Variants in ZNF521 observed in about 807,000 individuals in gnomAD.
ZNF521 encodes LYST-interacting protein 3.
Under a neutral mutation model 105.5 loss-of-function variants are expected in ZNF521, and 14 were observed. The ratio of observed to expected loss-of-function variants is 0.13; its 90% confidence interval spans 0.09 to 0.21. The LOEUF (loss-of-function observed/expected upper bound fraction) is 0.21, where lower values mean the gene tolerates loss of function less well. Among genes scored for constraint, ZNF521 ranks in the 10% least tolerant of loss-of-function variants. The pLI is 1.00. For synonymous variants in ZNF521, 635 were observed against 606.0 expected, an observed-to-expected ratio of 1.05 and a Z score of -0.70; for missense variants, 1,233 against 1,629.7, an observed-to-expected ratio of 0.76 and a Z score of 4.19.
intron 2 of ZNF521, among the ~76,000 whole-genome samples, chr18:25,350,539 A>G (rs1376712767): frequency 6.6e-6 from 1 of 152,194 alleles, no homozygotes; most frequent in Non-Finnish European, 1.5e-5. Flanking sequence ...GCGAAAACAC[A>G]CAACAGAAAC....
rs116563952 is a variant in ZNF521 at position 25,123,782 on chromosome 18, C to T, written c.3659-31701G>A. Among the ~76,000 whole-genome samples, 511 of 152,268 alleles carry T rather than the reference C, an allele frequency of 3.4e-3. 3 individuals are homozygous for T. The highest frequency in any genetic ancestry group is 0.012 in the African/African-American group (489 of 41,540). ...GAAACATGAATTCCATATTTAGTTA[C>T]TAATGGTTTGGGGTTCTCAGAATTT... On this transcript the variant is annotated intron_variant, in intron 5 of 7. Transcript: ENST00000361524.
chr18:25,188,739 G>A (rs2035769582), intron 5 of ZNF521, among the ~76,000 whole-genome samples: 1 of 152,154 alleles, frequency 6.6e-6, no homozygotes, highest in Non-Finnish European at 1.5e-5. Flanking sequence ...CAACTGGTAG[G>A]GCCTCTCTTC....
At chr18:25,329,401 AC>A (rs1271500133) in intron 2 of ZNF521, among the ~76,000 whole-genome samples, 15 of 152,328 alleles carry the variant, frequency 9.8e-5, no homozygotes, top group African/African-American at 3.6e-4. Flanking sequence ...AGGGATAAGT[AC>A]TCAGATGGAG....
chr18:25,257,981 A>G lies in ZNF521; in HGVS notation c.221-30284T>C, dbSNP rs142371122. Among the ~76,000 whole-genome samples, 920 of 152,250 alleles carry G rather than the reference A, an allele frequency of 6.0e-3. 2 individuals are homozygous for G. The highest frequency in any genetic ancestry group is 0.011 in the Admixed American group (166 of 15,288). On this transcript the variant is annotated intron_variant, in intron 3 of 7. Transcript: ENST00000361524. ...CACAAATACACATACAGACATACAC[A>G]CACACTTCACATTTAAAAAACAAAA... is the stretch of plus-strand genomic sequence containing the variant.
chr18:25,241,093 C>T (rs1465375572), intron 3 of ZNF521, among the ~76,000 whole-genome samples: 2 of 151,974 alleles, frequency 1.3e-5, no homozygotes, highest in African/African-American at 4.8e-5. Context: ...ATTCCCATTC[C>T]TCTTCTCCTT....
chr18:25,282,983 T>G (rs868699265), intron 3 of ZNF521, among the ~76,000 whole-genome samples: 1 of 152,318 alleles, frequency 6.6e-6, no homozygotes, highest in Middle Eastern at 3.4e-3. Context: ...AAGTACAAAA[T>G]GCTTTCCTCC....
intron 2 of ZNF521, among the ~76,000 whole-genome samples, chr18:25,329,858 A>T (rs1185586613): frequency 6.6e-6 from 1 of 152,228 alleles, no homozygotes; most frequent in Non-Finnish European, 1.5e-5. Flanking sequence ...TCCAGAGGCT[A>T]CAGGGTAAAC....
chr18:25,311,780 A>G (rs1912323166), intron 3 of ZNF521, among the ~76,000 whole-genome samples: 1 of 152,230 alleles, frequency 6.6e-6, no homozygotes, highest in Non-Finnish European at 1.5e-5. Flanking sequence ...CTGAAACCAC[A>G]GTTAGATCAT....
At chr18:25,152,093 C>A (rs571341189) in intron 5 of ZNF521, among the ~76,000 whole-genome samples, 1 of 152,238 alleles carries the variant, frequency 6.6e-6, no homozygotes, top group South Asian at 2.1e-4. Context: ...ACTGTGGAAT[C>A]TTTCTACACA....
At chr18:25,297,001 G>A (rs1246682722) in intron 3 of ZNF521, among the ~76,000 whole-genome samples, 3 of 151,954 alleles carry the variant, frequency 2.0e-5, no homozygotes, top group African/African-American at 7.3e-5. Flanking sequence ...TGTTAAGTGT[G>A]TATGTGTGGT....
At chr18:25,184,141 A>G (rs2035679752) in intron 5 of ZNF521, among the ~76,000 whole-genome samples, 1 of 152,112 alleles carries the variant, frequency 6.6e-6, no homozygotes, top group South Asian at 2.1e-4. Flanking sequence ...TGACCATGAC[A>G]TTGTTGGCAG....
intron 5 of ZNF521, among the ~76,000 whole-genome samples, chr18:25,183,030 T>C (rs958731345): frequency 3.3e-5 from 5 of 152,228 alleles, no homozygotes; most frequent in Non-Finnish European, 7.3e-5. Flanking sequence ...TACTGTTATT[T>C]GGGTAATAAC....
intron 5 of ZNF521, among the ~76,000 whole-genome samples, chr18:25,120,590 A>AAAC (rs1555636096): frequency 1.7e-5 from 2 of 115,066 alleles, no homozygotes; most frequent in African/African-American, 7.7e-5. Flanking sequence ...TCTAAAAAAA[A>AAAC]AAAAAAAAAA....
At chr18:25,178,830 T>C (rs1218970730) in intron 5 of ZNF521, among the ~76,000 whole-genome samples, 1 of 152,048 alleles carries the variant, frequency 6.6e-6, no homozygotes, top group Non-Finnish European at 1.5e-5. Context: ...CAGCACAGGC[T>C]CCCACAGTGA....
intron 4 of ZNF521, among the ~76,000 whole-genome samples, chr18:25,211,971 C>T (rs1465274801): frequency 6.6e-6 from 1 of 152,142 alleles, no homozygotes; most frequent in Non-Finnish European, 1.5e-5. Context: ...TGTGCAAAGG[C>T]AGTTCTATTC....
chr18:25,062,481 A>AT lies in ZNF521; in HGVS notation c.*230dup. 1 of 517,170 alleles carries AT rather than the reference A, an allele frequency of 1.9e-6. No individual in the cohort carries two copies. Among genetic ancestry groups the AT allele is most frequent in the Non-Finnish European group, 3.2e-6 (1 of 307,918 alleles). The allele number at this position is 517,170 out of a possible 1,614,324, so 32.0% of individuals were successfully genotyped here. On this transcript the variant is annotated 3_prime_UTR_variant, in exon 8 of 8. Coordinates refer to ENST00000361524, the MANE Select transcript of ZNF521 (RefSeq NM_015461.3). ...CAAGTCCACTTGTCTTTATAAGACC[A>AT]TTTTAGTATCAGACGACATAATACA...
chr18:25,174,010 CAA>C (rs1157773738), intron 5 of ZNF521, among the ~76,000 whole-genome samples: 2 of 152,062 alleles, frequency 1.3e-5, no homozygotes, highest in Non-Finnish European at 2.9e-5. Context: ...CTAATTAACT[CAA>C]GAGTTAACAT....
intron 5 of ZNF521, among the ~76,000 whole-genome samples, chr18:25,173,754 T>TA (rs1160737607): frequency 6.6e-6 from 1 of 151,898 alleles, no homozygotes; most frequent in Admixed American, 6.6e-5. Context: ...AAAGAAAATT[T>TA]AAGAAAAAAG....
chr18:25,124,545 T>G (rs1368057744), intron 5 of ZNF521, among the ~76,000 whole-genome samples: 1 of 152,176 alleles, frequency 6.6e-6, no homozygotes, highest in Admixed American at 6.5e-5. Context: ...ATTTTTTGCT[T>G]CTTCTATTTG....
Sources: allele counts gnomAD v4.1 joint callset (sites outside exome capture counted in the v4.1 genomes callset), GRCh38; gene constraint gnomAD v4.1.1; transcripts MANE v1.5; gene names NCBI Gene and HGNC (gene_info 2026-07-23, HGNC 2026-07-21).